The following SPPL3 variants were observed in gnomAD, a reference collection of about 807,000 sequenced individuals.
The protein encoded by SPPL3 is signal peptide peptidase-like 3.
Under a neutral mutation model 42.4 loss-of-function variants are expected in SPPL3, and 5 were observed. The observed-to-expected ratio is 0.12, with a 90% CI of 0.06 to 0.25. The LOEUF is 0.25. SPPL3 is among the 10% of genes least tolerant of loss of function. SPPL3 has a pLI of 1.00. For missense variants in SPPL3, 235 were observed against 489.0 expected (o/e 0.48, Z 4.90); for synonymous variants, 195 against 181.8 (o/e 1.07, Z -0.58).
intron 7 of SPPL3, 25 bp from the exon 8 acceptor site, chr12:120,768,513 A>G (rs1868989396): frequency 2.5e-6 from 4 of 1,597,362 alleles, no homozygotes; most frequent in Admixed American, 1.7e-5. Context: ...AGATGCCTTT[A>G]ACAGAGGGAG....
In SPPL3 at chr12:120,764,507, A is replaced by G. The variant is rs1868802465; in HGVS notation, c.*492T>C. 5.4e-6 allele frequency: 1 copy of G among 183,996 alleles called. No individual in the cohort carries two copies. The highest frequency in any genetic ancestry group is 6.2e-5 in the Admixed American group (1 of 16,170). The allele number at this position is 183,996 out of a possible 1,614,324, so 11.4% of individuals were successfully genotyped here. ...TTAATAAATCCAAAAAAAGGAAAGA[A>G]GAATATAACGACAGAAGAGCTTCTG... is the stretch of plus-strand genomic sequence containing the variant. On this transcript the variant is annotated 3_prime_UTR_variant, in exon 11 of 11. Transcript: ENST00000353487.
intron 1 of SPPL3, among the ~76,000 whole-genome samples, chr12:120,900,629 G>A (rs754958465): frequency 2.2e-4 from 33 of 148,438 alleles, no homozygotes; most frequent in Middle Eastern, 3.9e-3. Flanking sequence ...ATCAATTGCC[G>A]GGTGTGGTGG....
chr12:120,766,100 G>GCACACACACACACACA (rs111837123), intron 10 of SPPL3, among the ~76,000 whole-genome samples, 163 bp downstream of exon 10: 2 of 84,062 alleles, frequency 2.4e-5, no homozygotes, highest in South Asian at 3.6e-4. Flanking sequence ...GCGCGCGCGC[G>GCACACACACACACACA]CACACACACA....
chr12:120,837,553 T>G (rs1341162268), intron 1 of SPPL3, among the ~76,000 whole-genome samples: 2 of 152,240 alleles, frequency 1.3e-5, no homozygotes, highest in Non-Finnish European at 2.9e-5. Flanking sequence ...TAATGCTTTT[T>G]AGCACTGTAT....
chr12:120,870,676 G>C (rs1301043046), intron 1 of SPPL3, among the ~76,000 whole-genome samples: 1 of 152,056 alleles, frequency 6.6e-6, no homozygotes, highest in Non-Finnish European at 1.5e-5. Context: ...CTTAAATTCT[G>C]ATACATGCTA....
At chr12:120,877,975 C>T (rs1178792202) in intron 1 of SPPL3, among the ~76,000 whole-genome samples, 1 of 149,174 alleles carries the variant, frequency 6.7e-6, no homozygotes, top group African/African-American at 2.5e-5. Flanking sequence ...TGAGCCACTG[C>T]ACCACTGCAC....
At chr12:120,765,264 C>T (rs1868843925) in intron 10 of SPPL3, among the ~76,000 whole-genome samples, 194 bp from the exon 11 acceptor site, 1 of 150,674 alleles carries the variant, frequency 6.6e-6, no homozygotes, top group Non-Finnish European at 1.5e-5. Flanking sequence ...CAGGCATGAG[C>T]TGCTGCGCTT....
chr12:120,815,888 C>T (rs1030093140), intron 1 of SPPL3, among the ~76,000 whole-genome samples: 1 of 152,038 alleles, frequency 6.6e-6, no homozygotes, highest in Non-Finnish European at 1.5e-5. Context: ...GCCACCATGC[C>T]CAGCTAATTT....
intron 1 of SPPL3, among the ~76,000 whole-genome samples, chr12:120,859,506 T>C (rs571004476): frequency 6.6e-6 from 1 of 152,208 alleles, no homozygotes; most frequent in Admixed American, 6.5e-5. Context: ...GACAAAAAAG[T>C]TTTTGTTTTT....
chr12:120,825,742 CTA>C (rs1217683136), intron 1 of SPPL3, among the ~76,000 whole-genome samples: 2 of 152,094 alleles, frequency 1.3e-5, no homozygotes, highest in Non-Finnish European at 2.9e-5. Context: ...TCATAAGAGT[CTA>C]TAATATTTTT....
At chr12:120,788,821 C>T (rs968212150) in intron 3 of SPPL3, among the ~76,000 whole-genome samples, 3 of 152,162 alleles carry the variant, frequency 2.0e-5, no homozygotes, top group African/African-American at 7.2e-5. Context: ...AACCTTCTCC[C>T]CAGTTGTTCC....
chr12:120,831,852 G>A (rs957889322), intron 1 of SPPL3, among the ~76,000 whole-genome samples: 5 of 152,038 alleles, frequency 3.3e-5, no homozygotes, highest in African/African-American at 7.2e-5. Flanking sequence ...AAGCCACTAC[G>A]AATTCCCACT....
In SPPL3 at chr12:120,903,729, C is replaced by T. The variant is rs568149919; in HGVS notation, c.23+116G>A. 4 of 595,060 alleles carry T rather than the reference C, an allele frequency of 6.7e-6. No homozygotes were observed. In the East Asian group the frequency reaches 1.4e-4, roughly 21 times the overall value. 36.9% of individuals were successfully genotyped at this position (595,060 alleles called of 1,614,324 possible). The stretch of plus-strand genomic sequence containing the variant: ...GAAGAGGGGGGCGTGCACCCCAACC[C>T]GCGCCCCCCCCCCACGACACGCACC... On this transcript the variant is annotated intron_variant, in intron 1 of 10. Transcript: ENST00000353487.
At chr12:120,820,133 T>C (rs1240302293) in intron 1 of SPPL3, among the ~76,000 whole-genome samples, 3 of 152,168 alleles carry the variant, frequency 2.0e-5, no homozygotes, top group Non-Finnish European at 4.4e-5. Flanking sequence ...CCTTCTCACA[T>C]GCAATTCTTA....
intron 9 of SPPL3, 88 bp downstream of exon 9, chr12:120,767,306 G>C: frequency 7.2e-7 from 1 of 1,380,756 alleles, no homozygotes; most frequent in Non-Finnish European, 1.0e-6. Flanking sequence ...CTTCCATCCA[G>C]TAACTGTAGC....
At chr12:120,781,562 T>TTTTTG (rs1869544065) in intron 6 of SPPL3, among the ~76,000 whole-genome samples, 1 of 70,822 alleles carries the variant, frequency 1.4e-5, no homozygotes. Context: ...TACGTTTTTT[T>TTTTTG]TTTTTTTTTT....
At chr12:120,803,440 G>C (rs1870390941) in intron 2 of SPPL3, among the ~76,000 whole-genome samples, 1 of 152,066 alleles carries the variant, frequency 6.6e-6, no homozygotes, top group Non-Finnish European at 1.5e-5. Flanking sequence ...TTTGCATTCT[G>C]ATACCTGAGG....
At chr12:120,862,366 C>T (rs1315872483) in intron 1 of SPPL3, among the ~76,000 whole-genome samples, 1 of 152,098 alleles carries the variant, frequency 6.6e-6, no homozygotes, top group African/African-American at 2.4e-5. Context: ...GTGTCACAGG[C>T]CCTGCATGTT....
chr12:120,897,654 C>T (rs892102713), intron 1 of SPPL3, among the ~76,000 whole-genome samples: 3 of 152,038 alleles, frequency 2.0e-5, no homozygotes, highest in African/African-American at 7.2e-5. Flanking sequence ...ACCCGGAAGG[C>T]GGAGGTTGCA....
Sources: gnomAD v4.1 joint callset for allele counts (sites outside exome capture counted in the v4.1 genomes callset) on GRCh38, gnomAD v4.1.1 for gene constraint, MANE v1.5 for transcripts, NCBI Gene and HGNC (gene_info 2026-07-23, HGNC 2026-07-21) for gene names.